The following PCYT1A variants were observed in gnomAD, a reference collection of about 807,000 sequenced individuals.
The protein encoded by PCYT1A is phosphate cytidylyltransferase 1A, choline, also known as choline-phosphate cytidylyltransferase A.
In PCYT1A, 25 loss-of-function variants were observed where a neutral mutation model predicts 43.7. The observed-to-expected ratio is 0.57, with a 90% CI of 0.42 to 0.80. PCYT1A has a LOEUF of 0.80. Ranked by LOEUF, PCYT1A falls within the 30% of genes least tolerant of loss-of-function variation. The pLI is 0.00. For synonymous variants in PCYT1A, 172 were observed against 170.7 expected (o/e 1.01, Z -0.06); for missense variants, 421 against 474.2 (o/e 0.89, Z 1.04).
rs928772092 is a variant in PCYT1A, at chr3:196,247,196, A to G, written c.486+171T>C. 2.6e-5 allele frequency among the ~76,000 whole-genome samples: 4 copies of G among 152,232 alleles called. No homozygotes were observed. Among genetic ancestry groups the G allele is most frequent in the Non-Finnish European group, 2.9e-5 (2 of 68,048 alleles). ...GCTTGCAAACCATCCAGCCCCATATAAACGTCAGGGGTGACTGTTATCACT... is the reference window on the plus strand; with the variant it reads ...GCTTGCAAACCATCCAGCCCCATATGAACGTCAGGGGTGACTGTTATCACT... On this transcript the variant is annotated intron_variant, in intron 5 of 8. Coordinates refer to ENST00000431016, the MANE Select transcript of PCYT1A (RefSeq NM_001312673.2). This position sits in a 1 kb window ranked among gnomAD's most constrained non-coding sequence, Gnocchi z 4.8.
At chr3:196,249,358 C>T (rs2108767205) in intron 3 of PCYT1A, among the ~76,000 whole-genome samples, 1 of 137,002 alleles carries the variant, frequency 7.3e-6, no homozygotes, top group South Asian at 2.3e-4. Context: ...CCAGGCTGGT[C>T]TCGAACTCCT....
At position 196,239,672 on chromosome 3, in the gene PCYT1A, C is replaced by T. The variant is rs1724293159; in HGVS notation, c.772G>A (p.Glu258Lys). Residue 258 changes from glutamate (E) to lysine (K), a missense_variant, in exon 8 of 9, where the codon GAA (glutamate) becomes AAA (lysine). Glu to Lys is a moderately conservative substitution (Grantham distance 56). Transcript: ENST00000431016. The part of the protein sequence containing the change: ...KVKKKVKDVE[E>K]KSKEFVQKVE... Reference sequence around the variant, plus strand: ...TTCTGAACAAATTCTTTTGACTTTTCCTCCACATCTTTCACTTTCTTCTTT... The same window carrying T: ...TTCTGAACAAATTCTTTTGACTTTTTCTCCACATCTTTCACTTTCTTCTTT... The T allele has an allele frequency of 6.2e-7, 1 of 1,611,698 alleles. No individual in the cohort carries two copies. Among genetic ancestry groups the T allele is most frequent in the Non-Finnish European group, 8.5e-7 (1 of 1,177,754 alleles).
At chr3:196,254,459 T>C (rs745900169) in intron 3 of PCYT1A, among the ~76,000 whole-genome samples, 1 of 152,134 alleles carries the variant, frequency 6.6e-6, no homozygotes, top group Non-Finnish European at 1.5e-5. Context: ...CAAACAATCC[T>C]CTCACCTCAG....
intron 1 of PCYT1A, among the ~76,000 whole-genome samples, chr3:196,272,361 T>C (rs909565352): frequency 6.6e-6 from 1 of 152,182 alleles, no homozygotes; most frequent in Non-Finnish European, 1.5e-5. Flanking sequence ...ATTTTTTGTA[T>C]TTTTAGTAGA....
At chr3:196,285,862 A>G (rs748636218) in intron 1 of PCYT1A, among the ~76,000 whole-genome samples, 9 of 152,160 alleles carry the variant, frequency 5.9e-5, no homozygotes, top group Admixed American at 2.6e-4. Flanking sequence ...CTAAATATCA[A>G]GATAAATAGG....
intron 1 of PCYT1A, among the ~76,000 whole-genome samples, chr3:196,274,405 C>T (rs967409802): frequency 5.3e-5 from 8 of 152,234 alleles, no homozygotes; most frequent in African/African-American, 1.9e-4. Context: ...GACAGGCCAC[C>T]GCTGCCATCA....
intron 2 of PCYT1A, among the ~76,000 whole-genome samples, chr3:196,269,720 T>C (rs760585846): frequency 6.0e-4 from 91 of 151,934 alleles, no homozygotes; most frequent in Non-Finnish European, 1.1e-3. Flanking sequence ...AAGGTTCTCA[T>C]CTAAGATACA....
chr3:196,277,302 C>T lies in PCYT1A; in HGVS notation c.-10-6761G>A, dbSNP rs374352939. Among the ~76,000 whole-genome samples, 44 of 152,290 alleles carry T rather than the reference C, an allele frequency of 2.9e-4. No homozygotes were observed. The highest frequency in any genetic ancestry group is 1.0e-3 in the African/African-American group (42 of 41,580). ...GTTTATACTATTCCTTATCTGCTTACATACAGTTCTTCTATTTTCTAAAGA... is the reference window on the plus strand; with the variant it reads ...GTTTATACTATTCCTTATCTGCTTATATACAGTTCTTCTATTTTCTAAAGA... On this transcript the variant is annotated intron_variant, in intron 1 of 8. Transcript: ENST00000431016. This position sits in a 1 kb window ranked among gnomAD's most constrained non-coding sequence, Gnocchi z 4.1.
At chr3:196,286,697 T>G (rs1187351601) in intron 1 of PCYT1A, among the ~76,000 whole-genome samples, 1 of 152,206 alleles carries the variant, frequency 6.6e-6, no homozygotes, top group Middle Eastern at 3.2e-3. Flanking sequence ...GTGGATCACC[T>G]GAGGTCAGCA....
chr3:196,240,894 T>C (rs1018757427), intron 7 of PCYT1A: 4 of 151,870 alleles, frequency 2.6e-5, no homozygotes, highest in African/African-American at 7.3e-5. Context: ...TTTACAGAGA[T>C]GGGAGTAGGT....
At chr3:196,239,254 C>G (rs1724278300) in intron 8 of PCYT1A, among the ~76,000 whole-genome samples, 2 of 152,160 alleles carry the variant, frequency 1.3e-5, no homozygotes, top group Admixed American at 1.3e-4. Flanking sequence ...TTATTCTTTC[C>G]TTTCCTTCTA....
rs1251949326 is a variant in PCYT1A at position 196,273,493 on chromosome 3, C to T, written c.-10-2952G>A. Among the ~76,000 whole-genome samples the T allele has an allele frequency of 1.3e-5, 2 of 152,224 alleles. No individual in the cohort carries two copies. The highest frequency in any genetic ancestry group is 2.9e-5 in the Non-Finnish European group (2 of 68,032). ...AGAGGTGCTTTATTGAGCAACACAA[C>T]AGCCCTCAGGAGACCCCAAGCGGGT... On this transcript the variant is annotated intron_variant, in intron 1 of 8. Transcript: ENST00000431016. The surrounding 1 kb of genome is among the most constrained non-coding windows in gnomAD (Gnocchi z 4.1).
In PCYT1A at chr3:196,247,268, G is replaced by C; in HGVS notation, c.486+99C>G. 8.0e-7 allele frequency: 1 copy of C among 1,256,304 alleles called. No homozygotes were observed. Among genetic ancestry groups the C allele is most frequent in the South Asian group, 1.3e-5 (1 of 76,142 alleles). The allele number at this position is 1,256,304 out of a possible 1,614,324, so 77.8% of individuals were successfully genotyped here. On this transcript the variant is annotated intron_variant, in intron 5 of 8. Transcript: ENST00000431016. This position sits in a 1 kb window ranked among gnomAD's most constrained non-coding sequence, Gnocchi z 4.8. ...TACGAAACTTACATAAGAGGTAGAA[G>C]TAAAACACGGCTAGTGGAAAACCAG...
At chr3:196,250,978 C>T (rs533029541) in intron 3 of PCYT1A, among the ~76,000 whole-genome samples, 2 of 147,258 alleles carry the variant, frequency 1.4e-5, no homozygotes, top group African/African-American at 5.1e-5. Flanking sequence ...GGTTGAGGAC[C>T]AGATACCCTA....
intron 7 of PCYT1A, 58 bp from the exon 8 acceptor site, chr3:196,239,793 A>G (rs1724295873): frequency 1.0e-5 from 12 of 1,173,872 alleles, no homozygotes; most frequent in Non-Finnish European, 1.5e-5. Flanking sequence ...TCTCTACCAT[A>G]AGAGAACGAA....
chr3:196,285,340 T>A (rs915718270), intron 1 of PCYT1A, among the ~76,000 whole-genome samples: 1 of 152,126 alleles, frequency 6.6e-6, no homozygotes, highest in Non-Finnish European at 1.5e-5. Flanking sequence ...ATGCCTGTAG[T>A]CCCAGCTATT....
chr3:196,247,200 G>A lies in PCYT1A; in HGVS notation c.486+167C>T, dbSNP rs1019403712. On this transcript the variant is annotated intron_variant, in intron 5 of 8. Transcript: ENST00000431016. This position sits in a 1 kb window ranked among gnomAD's most constrained non-coding sequence, Gnocchi z 4.8. ...GCAAACCATCCAGCCCCATATAAAC[G>A]TCAGGGGTGACTGTTATCACTAGTA... Among the ~76,000 whole-genome samples the A allele has an allele frequency of 5.3e-5, 8 of 152,200 alleles. No individual in the cohort carries two copies. Among genetic ancestry groups the A allele is most frequent in the Non-Finnish European group, 7.3e-5 (5 of 68,036 alleles).
chr3:196,235,027 A>G lies in PCYT1A; in HGVS notation c.*3661T>C, dbSNP rs781558306. On this transcript the variant is annotated 3_prime_UTR_variant, in exon 9 of 9. Transcript: ENST00000431016. The surrounding 1 kb of genome is among the most constrained non-coding windows in gnomAD (Gnocchi z 4.3). ...CAACTTCTGGTGAGAATGTGTGCTG[A>G]TAGAAAATCTAGAAGCTATGGCTTT... 1 of 152,346 alleles carries G rather than the reference A, an allele frequency of 6.6e-6. No individual in the cohort carries two copies. The highest frequency in any genetic ancestry group is 1.9e-4 in the East Asian group (1 of 5,194). The allele number at this position is 152,346 out of a possible 1,614,324, so 9.4% of individuals were successfully genotyped here. A position where few individuals can be genotyped will look rare whatever the true frequency, so the allele number is the denominator to read the frequency against.
chr3:196,248,875 G>A (rs1223610281), intron 3 of PCYT1A, among the ~76,000 whole-genome samples: 2 of 151,766 alleles, frequency 1.3e-5, no homozygotes, highest in Admixed American at 6.6e-5. Context: ...TCCTGCCTCC[G>A]CCTCCTGAGT....
Sources: gnomAD v4.1 joint callset for allele counts (sites outside exome capture counted in the v4.1 genomes callset) on GRCh38, gnomAD v4.1.1 for gene constraint, Gnocchi (gnomAD v3.1) non-coding constraint, MANE v1.5 for transcripts, NCBI Gene and HGNC (gene_info 2026-07-23, HGNC 2026-07-21) for gene names.